Variants in BRINP3 observed in about 807,000 individuals in gnomAD.
BRINP3 encodes the protein BMP/retinoic acid-inducible neural-specific protein 3.
A neutral mutation model predicts 71.0 loss-of-function variants in BRINP3; 19 were observed. That is an observed-to-expected ratio of 0.27 (90% CI 0.19 to 0.39). BRINP3 has a LOEUF of 0.39. Among genes scored for constraint, BRINP3 ranks in the 10% least tolerant of loss-of-function variants. The pLI, the probability that BRINP3 is intolerant of heterozygous loss-of-function variation, is 1.00. For synonymous variants in BRINP3, 380 were observed against 337.7 expected, an observed-to-expected ratio of 1.13 and a Z score of -1.37; for missense variants, 959 against 940.8, an observed-to-expected ratio of 1.02 and a Z score of -0.25.
chr1:190,254,515 A>T (rs1558113710), intron 4 of BRINP3, among the ~76,000 whole-genome samples: 1 of 151,790 alleles, frequency 6.6e-6, no homozygotes, highest in Non-Finnish European at 1.5e-5. Flanking sequence ...ATTCCTAGGT[A>T]TTTTATTCTC....
chr1:190,392,650 C>A (rs1422637971), intron 2 of BRINP3, among the ~76,000 whole-genome samples: 1 of 151,600 alleles, frequency 6.6e-6, no homozygotes, highest in Non-Finnish European at 1.5e-5. Context: ...GTTCACATTT[C>A]TTTTTCACTT....
intron 4 of BRINP3, among the ~76,000 whole-genome samples, chr1:190,245,117 A>G (rs1403905684): frequency 6.6e-6 from 1 of 152,032 alleles, no homozygotes; most frequent in African/African-American, 2.4e-5. Context: ...ACCCAATTAA[A>G]CAAGCACCCG....
At chr1:190,468,764 G>C (rs922561100) in intron 1 of BRINP3, among the ~76,000 whole-genome samples, 4 of 150,954 alleles carry the variant, frequency 2.6e-5, no homozygotes, top group African/African-American at 9.7e-5. Context: ...AATCCATAAA[G>C]TGTCTCCACT....
At position 190,264,875 on chromosome 1, in the gene BRINP3, G is replaced by A; in HGVS notation, c.608C>T (p.Thr203Ile). The change falls in exon 4 of 8, where the codon ACT becomes ATT. Residue 203 changes from threonine to isoleucine, a missense_variant. Coordinates refer to ENST00000367462, the MANE Select transcript of BRINP3 (RefSeq NM_199051.3). ...RRLHHIQIAS[T>I]AIKVTETRTG... Reference sequence around the variant, plus strand: ...TAAACTCATTCTTACCTTTATGGCAGTGGATGCAATTTGAATGTGGTGAAG... The same window carrying A: ...TAAACTCATTCTTACCTTTATGGCAATGGATGCAATTTGAATGTGGTGAAG... The A allele has an allele frequency of 1.2e-6, 2 of 1,613,164 alleles. No individual in the cohort carries two copies. The highest frequency in any genetic ancestry group is 1.7e-6 in the Non-Finnish European group (2 of 1,179,608).
intron 7 of BRINP3, among the ~76,000 whole-genome samples, chr1:190,099,849 T>C (rs1651543805): frequency 2.0e-5 from 3 of 152,210 alleles, no homozygotes; most frequent in African/African-American, 7.2e-5. Context: ...ATGTGTTTGA[T>C]TTGAGTCATT....
In BRINP3 at chr1:190,353,038, T is replaced by TA. The variant is rs531736737; in HGVS notation, c.237-71289dup. Reference sequence around the variant, plus strand: ...TTTGTCATCCATCAGCAAGCTGGCTTAAAAAAAAAAAAGGAAAACAAAATC... The same window carrying TA: ...TTTGTCATCCATCAGCAAGCTGGCTTAAAAAAAAAAAAAGGAAAACAAAATC... On this transcript the variant is annotated intron_variant, in intron 2 of 7. Coordinates refer to ENST00000367462, the MANE Select transcript of BRINP3 (RefSeq NM_199051.3). 4.0e-3 allele frequency among the ~76,000 whole-genome samples: 550 copies of TA among 138,602 alleles called. 2 individuals are homozygous for TA. Among genetic ancestry groups the TA allele is most frequent in the African/African-American group, 5.1e-3 (195 of 37,870 alleles). 90.9% of individuals were successfully genotyped at this position (138,602 alleles called of 152,430 possible).
At chr1:190,428,917 G>T (rs1432520129) in intron 2 of BRINP3, among the ~76,000 whole-genome samples, 1 of 152,148 alleles carries the variant, frequency 6.6e-6, no homozygotes, top group East Asian at 1.9e-4. Flanking sequence ...ATACATGTTT[G>T]TTAAAATCAA....
intron 7 of BRINP3, among the ~76,000 whole-genome samples, chr1:190,125,661 T>C (rs1047661829): frequency 6.6e-6 from 1 of 152,034 alleles, no homozygotes; most frequent in Non-Finnish European, 1.5e-5. Context: ...GCAGAGACTA[T>C]AACTTGTGTG....
chr1:190,335,013 G>C (rs1216441793), intron 2 of BRINP3, among the ~76,000 whole-genome samples: 1 of 151,792 alleles, frequency 6.6e-6, no homozygotes, highest in African/African-American at 2.4e-5. Flanking sequence ...CTAGTTTAAA[G>C]ATATTGCCTA....
chr1:190,143,700 C>A (rs1186531629), intron 7 of BRINP3, among the ~76,000 whole-genome samples: 4 of 152,098 alleles, frequency 2.6e-5, no homozygotes, highest in African/African-American at 9.7e-5. Flanking sequence ...AGAATGGTAT[C>A]AACTCTTACA....
intron 4 of BRINP3, among the ~76,000 whole-genome samples, chr1:190,261,767 T>A (rs563917372): frequency 1.3e-5 from 2 of 152,144 alleles, no homozygotes; most frequent in Non-Finnish European, 2.9e-5. Context: ...ATCAAAGAAA[T>A]TGTGAATCTT....
chr1:190,201,440 G>A lies in BRINP3; in HGVS notation c.961+24642C>T, dbSNP rs540258572. 5.3e-5 allele frequency among the ~76,000 whole-genome samples: 8 copies of A among 152,240 alleles called. No individual in the cohort carries two copies. The East Asian group carries it at 1.4e-3, about 26-fold the overall frequency. The stretch of plus-strand genomic sequence containing the variant: ...TGGAAAATTTGCTGCCTGACAATAC[G>A]ATAGAAAAGAAAATCCCATTTTAGT... On this transcript the variant is annotated intron_variant, in intron 6 of 7. Coordinates refer to ENST00000367462, the MANE Select transcript of BRINP3 (RefSeq NM_199051.3).
intron 1 of BRINP3, among the ~76,000 whole-genome samples, chr1:190,462,909 G>A (rs1676490178): frequency 6.6e-6 from 1 of 152,020 alleles, no homozygotes; most frequent in African/African-American, 2.4e-5. Context: ...AGTGTTCTGA[G>A]TAACTACATA....
chr1:190,455,552 C>A (rs540081260), intron 1 of BRINP3, among the ~76,000 whole-genome samples: 2 of 152,036 alleles, frequency 1.3e-5, no homozygotes, highest in South Asian at 4.1e-4. Context: ...CAGACTGATA[C>A]ATGAACAGAT....
intron 1 of BRINP3, among the ~76,000 whole-genome samples, chr1:190,457,448 A>C (rs1414789803): frequency 7.4e-6 from 1 of 135,756 alleles, no homozygotes; most frequent in Non-Finnish European, 1.7e-5. Context: ...TGTCTCAAAA[A>C]AACACAAAAA....
intron 6 of BRINP3, among the ~76,000 whole-genome samples, chr1:190,178,233 A>G (rs1312986100): frequency 6.6e-6 from 1 of 152,176 alleles, no homozygotes; most frequent in African/African-American, 2.4e-5. Context: ...TAATTTCTAA[A>G]TCGTGTAGAA....
chr1:190,159,860 G>T (rs1305961349), intron 7 of BRINP3, among the ~76,000 whole-genome samples: 1 of 151,728 alleles, frequency 6.6e-6, no homozygotes, highest in Admixed American at 6.6e-5. Context: ...CTTTTTAAAT[G>T]GATGTTTAAA....
At chr1:190,358,351 G>A (rs1021915970) in intron 2 of BRINP3, among the ~76,000 whole-genome samples, 6 of 152,080 alleles carry the variant, frequency 3.9e-5, no homozygotes, top group Non-Finnish European at 8.8e-5. Context: ...AGTGGGCAAA[G>A]GATATGAACA....
At position 190,191,628 on chromosome 1, in the gene BRINP3, G is replaced by A. The variant is rs190611592; in HGVS notation, c.962-30738C>T. 2.6e-5 allele frequency among the ~76,000 whole-genome samples: 4 copies of A among 152,050 alleles called. No homozygotes were observed. The East Asian group carries it at 7.8e-4, about 29-fold the overall frequency. ...GCATAGTATTCCATGGTGTATATGT[G>A]CCACATTTTTTTTTATCCAGTCTGT... is the stretch of plus-strand genomic sequence containing the variant. On this transcript the variant is annotated intron_variant, in intron 6 of 7. Transcript: ENST00000367462.
Sources: gnomAD v4.1 joint callset for allele counts (sites outside exome capture counted in the v4.1 genomes callset) on GRCh38, gnomAD v4.1.1 for gene constraint, MANE v1.5 for transcripts, NCBI Gene and HGNC (gene_info 2026-07-23, HGNC 2026-07-21) for gene names.